WWC1: variants seen among roughly 807,000 people sequenced by gnomAD.
WWC1 encodes the protein protein KIBRA.
A neutral mutation model predicts 138.4 loss-of-function variants in WWC1; 55 were observed. That is an observed-to-expected ratio of 0.40 (90% CI 0.32 to 0.50). The LOEUF (loss-of-function observed/expected upper bound fraction) is 0.50, where lower values mean the gene tolerates loss of function less well. Ranked by LOEUF, WWC1 falls within the 20% of genes least tolerant of loss-of-function variation. The probability of loss-of-function intolerance (pLI) is 0.72; values close to 1 mark genes in which losing one functional copy is unlikely to be tolerated. For missense variants in WWC1, 1,226 were observed against 1,420.4 expected (o/e 0.86, Z 2.20); for synonymous variants, 524 against 564.9 (o/e 0.93, Z 1.03).
intron 2 of WWC1, among the ~76,000 whole-genome samples, chr5:168,378,764 A>G (rs896340743): frequency 6.6e-6 from 1 of 152,176 alleles, no homozygotes; most frequent in African/African-American, 2.4e-5. Context: ...TTGACTTTTG[A>G]TACATATATC....
At chr5:168,327,449 G>A (rs1365229184) in intron 1 of WWC1, among the ~76,000 whole-genome samples, 2 of 152,168 alleles carry the variant, frequency 1.3e-5, no homozygotes, top group Non-Finnish European at 2.9e-5. Flanking sequence ...TTAGCTCTTC[G>A]TTGAAACCTT....
chr5:168,400,691 G>T (rs535832231), intron 5 of WWC1, among the ~76,000 whole-genome samples: 8 of 152,288 alleles, frequency 5.3e-5, no homozygotes, highest in Admixed American at 2.6e-4. Flanking sequence ...GCTCAGGCCT[G>T]TAATCCCAGC....
intron 1 of WWC1, among the ~76,000 whole-genome samples, chr5:168,363,711 C>T (rs1776069272): frequency 6.6e-6 from 1 of 152,034 alleles, no homozygotes; most frequent in South Asian, 2.1e-4. Flanking sequence ...AGATTGAACC[C>T]TGAATGCCAT....
intron 1 of WWC1, among the ~76,000 whole-genome samples, chr5:168,366,718 G>A (rs1187811121): frequency 6.6e-6 from 1 of 151,280 alleles, no homozygotes; most frequent in Non-Finnish European, 1.5e-5. Context: ...CATTTTCGGG[G>A]TTTCAGTCCC....
At chr5:168,449,230 T>G (rs2152879643) in intron 17 of WWC1, among the ~76,000 whole-genome samples, 1 of 152,314 alleles carries the variant, frequency 6.6e-6, no homozygotes, top group East Asian at 1.9e-4. Flanking sequence ...CAATTAAAAT[T>G]AAGTTGGGTT....
At chr5:168,377,755 G>T (rs1777328670) in intron 2 of WWC1, among the ~76,000 whole-genome samples, 1 of 152,186 alleles carries the variant, frequency 6.6e-6, no homozygotes, top group African/African-American at 2.4e-5. Flanking sequence ...AGTCAGAATG[G>T]CTGTTATTAA....
chr5:168,389,597 GTTT>G (rs55873477), intron 3 of WWC1, among the ~76,000 whole-genome samples: 17,698 of 127,954 alleles, frequency 0.14, 611 homozygotes, highest in African/African-American at 0.17. Context: ...TTGAATTTTT[GTTT>G]TTTTTTTTTT....
intron 19 of WWC1, among the ~76,000 whole-genome samples, chr5:168,456,847 T>C (rs190171933): frequency 6.6e-6 from 1 of 152,304 alleles, no homozygotes; most frequent in East Asian, 1.9e-4. Flanking sequence ...GTGGTTGTAA[T>C]TTTGTTAAAT....
chr5:168,411,278 C>T (rs1249867477), intron 8 of WWC1, among the ~76,000 whole-genome samples: 1 of 152,108 alleles, frequency 6.6e-6, no homozygotes, highest in African/African-American at 2.4e-5. Flanking sequence ...AAAGAATGCC[C>T]TGGGCATTGT....
chr5:168,380,812 A>C (rs775704805), intron 2 of WWC1, among the ~76,000 whole-genome samples: 5 of 152,210 alleles, frequency 3.3e-5, no homozygotes, highest in Non-Finnish European at 7.3e-5. Flanking sequence ...ATTATTCAGC[A>C]ATAATAAGAA....
chr5:168,339,806 T>TTTTCTTTCTTTCTTTCTTTC (rs138461958), intron 1 of WWC1, among the ~76,000 whole-genome samples: 3,071 of 142,672 alleles, frequency 0.022, 59 homozygotes, highest in African/African-American at 0.029. Flanking sequence ...TTCTTTTTGT[T>TTTTCTTTCTTTCTTTCTTTC]TTTCTTTCTT....
chr5:168,311,208 C>A lies in WWC1; in HGVS notation c.119+18937C>A, dbSNP rs1476327730. 2.0e-5 allele frequency among the ~76,000 whole-genome samples: 3 copies of A among 152,284 alleles called. No homozygotes were observed. The East Asian group carries it at 5.8e-4, about 29-fold the overall frequency. ...AGGCAGCACCTAGTGCCTCCTGCTCCATGGGACATCTGTCATCTGCCTCCC... is the reference window on the plus strand; with the variant it reads ...AGGCAGCACCTAGTGCCTCCTGCTCAATGGGACATCTGTCATCTGCCTCCC... On this transcript the variant is annotated intron_variant, in intron 1 of 22. Coordinates refer to ENST00000265293, the MANE Select transcript of WWC1 (RefSeq NM_015238.3).
chr5:168,360,718 C>G (rs1409570523), intron 1 of WWC1, among the ~76,000 whole-genome samples: 3 of 152,252 alleles, frequency 2.0e-5, no homozygotes, highest in Non-Finnish European at 2.9e-5. Flanking sequence ...TCTTCCAGTG[C>G]TCTGTCTAAA....
At chr5:168,436,490 A>G (rs951734602) in intron 15 of WWC1, among the ~76,000 whole-genome samples, 1 of 152,102 alleles carries the variant, frequency 6.6e-6, no homozygotes, top group Admixed American at 6.6e-5. Context: ...ACCCATCCCA[A>G]GTGCAGGGCT....
chr5:168,370,623 C>T (rs1776678042), intron 1 of WWC1, among the ~76,000 whole-genome samples: 1 of 152,164 alleles, frequency 6.6e-6, no homozygotes, highest in Admixed American at 6.5e-5. Context: ...TCTCATATAC[C>T]CAGATTCCCA....
intron 1 of WWC1, among the ~76,000 whole-genome samples, chr5:168,301,101 C>A (rs1323585917): frequency 1.3e-5 from 2 of 152,194 alleles, no homozygotes; most frequent in African/African-American, 4.8e-5. Context: ...CATTGTCTGT[C>A]ACGTGCCAAA....
intron 1 of WWC1, among the ~76,000 whole-genome samples, chr5:168,350,094 C>G (rs556560065): frequency 6.6e-6 from 1 of 152,186 alleles, no homozygotes; most frequent in African/African-American, 2.4e-5. Flanking sequence ...GGTTCACATA[C>G]TGGGAAAGTC....
intron 1 of WWC1, among the ~76,000 whole-genome samples, chr5:168,345,200 G>C (rs940598093): frequency 6.6e-6 from 1 of 152,184 alleles, no homozygotes; most frequent in Non-Finnish European, 1.5e-5. Context: ...CACCTCCTGG[G>C]TTCAAGCTGT....
At chr5:168,454,248 C>T in intron 18 of WWC1, 148 bp downstream of exon 18, 1 of 1,236,282 alleles carries the variant, frequency 8.1e-7, no homozygotes, top group African/African-American at 1.5e-5. Context: ...TTGGGTCATT[C>T]TGGTGATAGT....
Sources: allele counts gnomAD v4.1 joint callset (sites outside exome capture counted in the v4.1 genomes callset), GRCh38; gene constraint gnomAD v4.1.1; transcripts MANE v1.5; gene names NCBI Gene and HGNC (gene_info 2026-07-23, HGNC 2026-07-21).